The following EPHA7 variants were observed in gnomAD, a reference collection of about 807,000 sequenced individuals.
The protein encoded by EPHA7 is EPH receptor A7, also known as ephrin type-A receptor 7.
A neutral mutation model predicts 112.6 loss-of-function variants in EPHA7; 25 were observed. The ratio of observed to expected loss-of-function variants is 0.22; its 90% CI spans 0.16 to 0.31. The LOEUF is 0.31. EPHA7 is among the 10% of genes least tolerant of loss of function. The pLI, the probability that EPHA7 is intolerant of heterozygous loss-of-function variation, is 1.00. For synonymous variants in EPHA7, 437 were observed against 406.5 expected (o/e 1.07, Z -0.90); for missense variants, 962 against 1,212.6 (o/e 0.79, Z 3.07).
At chr6:93,313,878 TAGTACTA>T (rs1773660222) in intron 5 of EPHA7, among the ~76,000 whole-genome samples, 1 of 152,106 alleles carries the variant, frequency 6.6e-6, no homozygotes, top group African/African-American at 2.4e-5. Flanking sequence ...TACCATGGCC[TAGTACTA>T]ACTGGTAGAC....
At chr6:93,301,430 A>T (rs1582478227) in intron 5 of EPHA7, among the ~76,000 whole-genome samples, 1 of 152,198 alleles carries the variant, frequency 6.6e-6, no homozygotes, top group Non-Finnish European at 1.5e-5. Flanking sequence ...CTGCTGTAAA[A>T]AACTGATCTT....
intron 5 of EPHA7, among the ~76,000 whole-genome samples, chr6:93,336,093 A>G (rs1774854183): frequency 6.6e-6 from 1 of 152,170 alleles, no homozygotes; most frequent in Non-Finnish European, 1.5e-5. Context: ...TAGTTCATGT[A>G]GTACATTGAG....
chr6:93,413,800 T>C lies in EPHA7; in HGVS notation c.162+903A>G, dbSNP rs900539266. On this transcript the variant is annotated intron_variant, in intron 2 of 16. Coordinates refer to ENST00000369303, the MANE Select transcript of EPHA7 (RefSeq NM_004440.4). ...TTCCTGACATGCTGATTTTATGATC[T>C]CAACAATCTCTTTCAAACTTTCATT... Among the ~76,000 whole-genome samples the C allele has an allele frequency of 3.3e-5, 5 of 152,056 alleles. No homozygotes were observed. In the East Asian group the frequency reaches 7.7e-4, roughly 23 times the overall value.
chr6:93,365,244 A>G (rs1776448480), intron 3 of EPHA7, among the ~76,000 whole-genome samples: 5 of 152,222 alleles, frequency 3.3e-5, no homozygotes, highest in South Asian at 2.1e-4. Flanking sequence ...TAAAGAGTTT[A>G]TTAATTATGA....
In EPHA7 at chr6:93,258,232, A is replaced by G. The variant is rs1562048838; in HGVS notation, c.1977T>C (p.Asp659=). 1 of 1,612,506 alleles carries G rather than the reference A, an allele frequency of 6.2e-7. No homozygotes were observed. The highest frequency in any genetic ancestry group is 2.2e-5 in the East Asian group (1 of 44,820). ...SGRLKLPGKR[D]VAVAIKTLKV... ...TCAGGGTTTTTATGGCTACTGCAAC[A>G]TCTCTTTTCCCTGGAAGTTTCAAAC... The change falls in exon 11 of 17, where the codon GAT becomes GAC. Residue 659 remains aspartate, a synonymous_variant. Coordinates refer to ENST00000369303, the MANE Select transcript of EPHA7 (RefSeq NM_004440.4).
In EPHA7 at chr6:93,246,963, C is replaced by A; in HGVS notation, c.2555G>T (p.Gly852Val). The A allele has an allele frequency of 1.3e-6, 2 of 1,596,354 alleles. No individual in the cohort carries two copies. Among genetic ancestry groups the A allele is most frequent in the Non-Finnish European group, 1.7e-6 (2 of 1,166,224 alleles). ...GTCCATGGGTGCTGGTAAACGATAA[C>A]CTTCTTCTATTGCTTTTATAACCTA... ...NQDVIKAIEE[G>V]YRLPAPMDCP... Residue 852 changes from glycine to valine, a missense_variant, in exon 15 of 17, where the codon GGT (glycine) becomes GTT (valine). Physicochemically the swap from Gly to Val is moderately radical, Grantham distance 109. Transcript: ENST00000369303.
chr6:93,258,133 C>G lies in EPHA7; in HGVS notation c.2076G>C (p.Pro692=). Residue 692 remains proline, a synonymous_variant, in exon 11 of 17, where the codon CCG becomes CCC. Transcript: ENST00000369303. ...CAACCCCTTCCAAATGGACAACATT[C>G]GGGTGGTCAAACTGCCCCATGATGC... ...EASIMGQFDH[P]NVVHLEGVVT... 6.2e-7 allele frequency: 1 copy of G among 1,613,066 alleles called. No individual in the cohort carries two copies. Among genetic ancestry groups the G allele is most frequent in the Non-Finnish European group, 8.5e-7 (1 of 1,179,562 alleles).
chr6:93,379,764 T>C (rs1440188601), intron 3 of EPHA7, among the ~76,000 whole-genome samples: 3 of 152,000 alleles, frequency 2.0e-5, no homozygotes, highest in Non-Finnish European at 2.9e-5. Context: ...ATGAGTCCAT[T>C]AGTAAAATTC....
chr6:93,256,097 A>G, intron 12 of EPHA7, 60 bp from the exon 13 acceptor site: 1 of 1,474,946 alleles, frequency 6.8e-7, no homozygotes, highest in Non-Finnish European at 9.4e-7. Flanking sequence ...GACAAAAATC[A>G]CCATGAAAAA....
chr6:93,320,866 G>A (rs533946770), intron 5 of EPHA7, among the ~76,000 whole-genome samples: 2 of 152,014 alleles, frequency 1.3e-5, no homozygotes, highest in African/African-American at 4.8e-5. Context: ...GATTGTAGGA[G>A]CTTACCAAGT....
intron 5 of EPHA7, among the ~76,000 whole-genome samples, chr6:93,309,706 T>C (rs1359195046): frequency 2.0e-5 from 3 of 152,138 alleles, no homozygotes; most frequent in Non-Finnish European, 4.4e-5. Context: ...TAAAATATTT[T>C]ATCATAAAAC....
chr6:93,358,544 C>T (rs976157754), intron 3 of EPHA7, 133 bp from the exon 4 acceptor site: 1 of 712,048 alleles, frequency 1.4e-6, no homozygotes, highest in Non-Finnish European at 2.1e-6. Context: ...ATAAAATATT[C>T]ATTTTAGGGT....
intron 3 of EPHA7, among the ~76,000 whole-genome samples, chr6:93,369,672 T>C (rs1290145558): frequency 1.3e-5 from 2 of 152,200 alleles, no homozygotes; most frequent in East Asian, 3.8e-4. Flanking sequence ...TTTATGCATG[T>C]GTCCTCTAAC....
intron 2 of EPHA7, among the ~76,000 whole-genome samples, chr6:93,412,864 C>T (rs781237203): frequency 5.3e-5 from 8 of 151,900 alleles, no homozygotes; most frequent in South Asian, 2.1e-4. Context: ...TATCTAACTT[C>T]GAGAACAAAT....
chr6:93,386,818 A>T (rs953850026), intron 3 of EPHA7, among the ~76,000 whole-genome samples: 2 of 152,120 alleles, frequency 1.3e-5, no homozygotes, highest in Non-Finnish European at 2.9e-5. Flanking sequence ...TGTGGCTTGC[A>T]TCCTCCAAAG....
intron 16 of EPHA7, among the ~76,000 whole-genome samples, chr6:93,244,213 A>C (rs756981234): frequency 3.3e-5 from 5 of 152,144 alleles, no homozygotes; most frequent in Non-Finnish European, 7.4e-5. Flanking sequence ...AAATATTGCA[A>C]AACTATAGCA....
intron 9 of EPHA7, among the ~76,000 whole-genome samples, chr6:93,262,808 A>G (rs763195842): frequency 6.6e-6 from 1 of 151,388 alleles, no homozygotes; most frequent in Non-Finnish European, 1.5e-5. Flanking sequence ...TATTTAAACC[A>G]CACATTGTCA....
chr6:93,396,764 G>A (rs143932615), intron 3 of EPHA7, among the ~76,000 whole-genome samples: 183 of 151,602 alleles, frequency 1.2e-3, no homozygotes, highest in African/African-American at 4.2e-3. Context: ...TTGCACATCT[G>A]GAACTTCAGA....
Position 93,419,540 on chromosome 6 carries a change from C to G in EPHA7, c.-199G>C. 1 of 470,940 alleles carries G rather than the reference C, an allele frequency of 2.1e-6. No homozygotes were observed. The highest frequency in any genetic ancestry group is 4.1e-5 in the East Asian group (1 of 24,384). The allele number at this position is 470,940 out of a possible 1,614,324, so 29.2% of individuals were successfully genotyped here. On this transcript the variant is annotated 5_prime_UTR_variant, in exon 1 of 17. Coordinates refer to ENST00000369303, the MANE Select transcript of EPHA7 (RefSeq NM_004440.4). Reference sequence around the variant, plus strand: ...TCGCTCGCACCGTGTTTGCTGCCTGCAAGTCTCCGACTGCAGACCGGCCGC... The same window carrying G: ...TCGCTCGCACCGTGTTTGCTGCCTGGAAGTCTCCGACTGCAGACCGGCCGC...
Sources: allele counts gnomAD v4.1 joint callset (sites outside exome capture counted in the v4.1 genomes callset), GRCh38; gene constraint gnomAD v4.1.1; transcripts MANE v1.5; gene names NCBI Gene and HGNC (gene_info 2026-07-23, HGNC 2026-07-21).